KCNMA1: variants seen among roughly 807,000 people sequenced by gnomAD.
KCNMA1 encodes the protein Calcium-activated potassium channel subunit alpha-1.
A neutral mutation model predicts 140.0 loss-of-function variants in KCNMA1; 29 were observed. The ratio of observed to expected loss-of-function variants is 0.21; its 90% CI spans 0.15 to 0.28. KCNMA1 has a LOEUF of 0.28. Among genes scored for constraint, KCNMA1 ranks in the 10% least tolerant of loss-of-function variants. The pLI, the probability that KCNMA1 is intolerant of heterozygous loss-of-function variation, is 1.00. For synonymous variants in KCNMA1, 612 were observed against 611.9 expected, an observed-to-expected ratio of 1.00 and a Z score of 0.00; for missense variants, 880 against 1,602.2, an observed-to-expected ratio of 0.55 and a Z score of 7.70.
chr10:77,083,143 G>T (rs1419998450), intron 12 of KCNMA1, among the ~76,000 whole-genome samples: 1 of 152,152 alleles, frequency 6.6e-6, no homozygotes, highest in African/African-American at 2.4e-5. Context: ...AAAAGTTCCT[G>T]GGAATGCAGT....
At chr10:76,955,566 G>A (rs189688465) in intron 20 of KCNMA1, among the ~76,000 whole-genome samples, 1 of 152,302 alleles carries the variant, frequency 6.6e-6, no homozygotes, top group Non-Finnish European at 1.5e-5. Context: ...CTTAAAAGAA[G>A]AACAATCCCA....
intron 23 of KCNMA1, among the ~76,000 whole-genome samples, chr10:76,916,455 C>T (rs2052959693): frequency 6.6e-6 from 1 of 152,194 alleles, no homozygotes; most frequent in African/African-American, 2.4e-5. Flanking sequence ...CTATTTACTT[C>T]CTACATTCAT....
chr10:77,633,259 G>A (rs1014001321), intron 1 of KCNMA1, among the ~76,000 whole-genome samples: 5 of 152,108 alleles, frequency 3.3e-5, no homozygotes, highest in South Asian at 4.1e-4. Context: ...AGGCTGCAGT[G>A]AGCCAAGATC....
chr10:77,358,635 C>T (rs771644214), intron 2 of KCNMA1, among the ~76,000 whole-genome samples: 1 of 152,184 alleles, frequency 6.6e-6, no homozygotes, highest in Non-Finnish European at 1.5e-5. Context: ...AAGTTGAACA[C>T]AAAGTCCTAC....
At chr10:77,435,970 C>T (rs2097255450) in intron 1 of KCNMA1, among the ~76,000 whole-genome samples, 1 of 152,182 alleles carries the variant, frequency 6.6e-6, no homozygotes, top group African/African-American at 2.4e-5. Flanking sequence ...TATTCCCGAT[C>T]TTAGACTACC....
chr10:77,039,054 A>T (rs2094504698), intron 15 of KCNMA1: 2 of 197,394 alleles, frequency 1.0e-5, no homozygotes, highest in East Asian at 2.4e-4. Context: ...TTGGTTCCAC[A>T]TTTCCTCAGC....
At chr10:77,446,622 G>A (rs946775475) in intron 1 of KCNMA1, among the ~76,000 whole-genome samples, 4 of 152,248 alleles carry the variant, frequency 2.6e-5, no homozygotes, top group African/African-American at 9.6e-5. Flanking sequence ...AGTTGCCCAA[G>A]GCAATAACTT....
rs999352472 is a variant in KCNMA1 at position 77,378,813 on chromosome 10, T to A, written c.540+25049A>T. On this transcript the variant is annotated intron_variant, in intron 2 of 27. Transcript: ENST00000286628. ...AGGACTGGTGGGACTTACCCAATTA[T>A]AAACAAATTTATAATCACATGGCAG... is the stretch of plus-strand genomic sequence containing the variant. 2.6e-5 allele frequency among the ~76,000 whole-genome samples: 4 copies of A among 152,202 alleles called. No homozygotes were observed. The East Asian group carries it at 7.7e-4, about 29-fold the overall frequency.
At chr10:77,165,892 A>T (rs2098636322) in intron 5 of KCNMA1, among the ~76,000 whole-genome samples, 1 of 152,242 alleles carries the variant, frequency 6.6e-6, no homozygotes, top group Non-Finnish European at 1.5e-5. Flanking sequence ...GGCGACAGCC[A>T]CTATAATGTC....
intron 1 of KCNMA1, among the ~76,000 whole-genome samples, chr10:77,581,523 T>C (rs1358296636): frequency 6.6e-6 from 1 of 152,188 alleles, no homozygotes; most frequent in African/African-American, 2.4e-5. Context: ...GCCAGGATGG[T>C]CTCGATCTCC....
chr10:77,550,173 A>G (rs2062428831), intron 1 of KCNMA1, among the ~76,000 whole-genome samples: 2 of 152,198 alleles, frequency 1.3e-5, no homozygotes, highest in South Asian at 4.1e-4. Context: ...AAAGAAGAGA[A>G]GGAAGAGACA....
At chr10:77,008,145 G>A in intron 18 of KCNMA1, 3 of 1,525,062 alleles carry the variant, frequency 2.0e-6, no homozygotes, top group Non-Finnish European at 2.6e-6. Context: ...AAAGACAGGG[G>A]GAACTGGACT....
chr10:77,556,112 C>A (rs922274627), intron 1 of KCNMA1, among the ~76,000 whole-genome samples: 9 of 152,204 alleles, frequency 5.9e-5, no homozygotes, highest in Non-Finnish European at 4.4e-5. Context: ...CTGCCAGTTA[C>A]CATCAGAGGA....
intron 2 of KCNMA1, among the ~76,000 whole-genome samples, chr10:77,292,109 C>T (rs2073465694): frequency 6.6e-6 from 1 of 152,190 alleles, no homozygotes; most frequent in African/African-American, 2.4e-5. Context: ...TTAAAGGGCT[C>T]ATGAAAGAGG....
At chr10:77,253,235 C>T (rs2060028941) in intron 2 of KCNMA1, among the ~76,000 whole-genome samples, 1 of 152,136 alleles carries the variant, frequency 6.6e-6, no homozygotes, top group Non-Finnish European at 1.5e-5. Context: ...GCCTCTTCTC[C>T]ATTCATAAAC....
intron 1 of KCNMA1, among the ~76,000 whole-genome samples, chr10:77,483,099 T>G (rs2098420397): frequency 6.6e-6 from 1 of 151,418 alleles, no homozygotes; most frequent in Non-Finnish European, 1.5e-5. Flanking sequence ...ATTTCACTGG[T>G]ACCCAGTCAA....
intron 2 of KCNMA1, among the ~76,000 whole-genome samples, chr10:77,392,033 C>T (rs752284466): frequency 2.7e-5 from 4 of 150,528 alleles, no homozygotes; most frequent in Non-Finnish European, 5.9e-5. Context: ...ACTCAGTAGC[C>T]GCAAATACAG....
chr10:77,463,553 G>C (rs1201206398), intron 1 of KCNMA1, among the ~76,000 whole-genome samples: 1 of 152,178 alleles, frequency 6.6e-6, no homozygotes, highest in East Asian at 1.9e-4. Context: ...AGTAATTGAT[G>C]GAGCACACGC....
intron 18 of KCNMA1, chr10:77,008,214 T>C (rs1317170653): frequency 5.2e-6 from 8 of 1,533,358 alleles, no homozygotes; most frequent in Non-Finnish European, 7.0e-6. Flanking sequence ...GCAGTTAAAA[T>C]AGAGTAGGGG....
Sources: gnomAD v4.1 joint callset for allele counts (sites outside exome capture counted in the v4.1 genomes callset) on GRCh38, gnomAD v4.1.1 for gene constraint, MANE v1.5 for transcripts, NCBI Gene and HGNC (gene_info 2026-07-23, HGNC 2026-07-21) for gene names.